PCNT: variants seen among roughly 807,000 people sequenced by gnomAD.
The protein encoded by PCNT is pericentrin.
A neutral mutation model predicts 380.4 loss-of-function variants in PCNT; 319 were observed. The observed-to-expected ratio is 0.84, with a 90% CI of 0.77 to 0.92. The LOEUF (loss-of-function observed/expected upper bound fraction) is 0.92. PCNT is among the 40% of genes least tolerant of loss of function. The pLI is 0.00. For synonymous variants in PCNT, 1,845 were observed against 1,735.2 expected, an observed-to-expected ratio of 1.06 and a Z score of -1.57; for missense variants, 4,400 against 4,255.3, an observed-to-expected ratio of 1.03 and a Z score of -0.95.
At position 46,378,803 on chromosome 21, in the gene PCNT, A is replaced by G. The variant is rs530904230; in HGVS notation, c.3166-2891A>G. The stretch of plus-strand genomic sequence containing the variant: ...CAACTTAATTTTAAAAGTTTACAAA[A>G]CCATTTGCTAATGTAGCATCATTCC... On this transcript the variant is annotated intron_variant, in intron 15 of 46. Coordinates refer to ENST00000359568, the MANE Select transcript of PCNT (RefSeq NM_006031.6). Among the ~76,000 whole-genome samples, 9 of 152,268 alleles carry G rather than the reference A, an allele frequency of 5.9e-5. No individual in the cohort carries two copies. The East Asian group carries it at 1.5e-3, about 26-fold the overall frequency.
intron 24 of PCNT, among the ~76,000 whole-genome samples, chr21:46,399,277 C>CTG (rs372812564): frequency 6.1e-4 from 77 of 126,618 alleles, no homozygotes; most frequent in South Asian, 1.7e-3. Flanking sequence ...GGGTCTGGGT[C>CTG]TCTGTTCAGC....
chr21:46,386,610 TC>T (rs2085847477), intron 17 of PCNT, among the ~76,000 whole-genome samples: 1 of 152,234 alleles, frequency 6.6e-6, no homozygotes, highest in Admixed American at 6.5e-5. Context: ...CCAGGCCACA[TC>T]CTGCCTTGGT....
rs755618237 is a variant in PCNT at position 46,349,805 on chromosome 21, A to G, written c.1329A>G (p.Lys443=). 2 of 1,614,210 alleles carry G rather than the reference A, an allele frequency of 1.2e-6. No individual in the cohort carries two copies. Among genetic ancestry groups the G allele is most frequent in the South Asian group, 1.1e-5 (1 of 91,084 alleles). Reference sequence around the variant, plus strand: ...AGTTCAAGTTCAAAGAGAGCGAGAAAGAAAAACAGCTGGAGGTGGGCAGCA... The same window carrying G: ...AGTTCAAGTTCAAAGAGAGCGAGAAGGAAAAACAGCTGGAGGTGGGCAGCA... The part of the protein sequence containing the change: ...DLEFKFKESE[K]EKQLELENLQ... The change falls in exon 8 of 47, where the codon AAA becomes AAG. Residue 443 remains lysine (K), a synonymous_variant. Coordinates refer to ENST00000359568, the MANE Select transcript of PCNT (RefSeq NM_006031.6).
In PCNT at chr21:46,353,995, G is replaced by A. The variant is rs367720344; in HGVS notation, c.1688G>A (p.Cys563Tyr). The change falls in exon 11 of 47, where the codon TGT becomes TAT. Residue 563 changes from cysteine to tyrosine, a missense_variant. Coordinates refer to ENST00000359568, the MANE Select transcript of PCNT (RefSeq NM_006031.6). ...LLDSVEVGLSCVGLEEKPEKG... is the reference protein window; with the variant it reads ...LLDSVEVGLSYVGLEEKPEKG... The stretch of plus-strand genomic sequence containing the variant: ...AAATGTTTTCCCTTCAGGTTGTCCT[G>A]TGTGGGTTTAGAAGAGAAACCTGAG... 1.1e-5 allele frequency: 18 copies of A among 1,613,630 alleles called. No homozygotes were observed. The highest frequency in any genetic ancestry group is 1.4e-5 in the Non-Finnish European group (16 of 1,179,636).
In PCNT at chr21:46,432,123, G is replaced by C; in HGVS notation, c.8659G>C (p.Gly2887Arg). 1 of 1,614,114 alleles carries C rather than the reference G, an allele frequency of 6.2e-7. No homozygotes were observed. Among genetic ancestry groups the C allele is most frequent in the Non-Finnish European group, 8.5e-7 (1 of 1,180,046 alleles). ...QSHPRLKEQEGRKAARRSAEA... is the reference protein window; with the variant it reads ...QSHPRLKEQERRKAARRSAEA... The stretch of plus-strand genomic sequence containing the variant: ...ACACCCACGGTTGAAAGAGCAAGAA[G>C]GACGCAAGGCTGCGAGGAGGAGCGC... Residue 2887 changes from glycine (G) to arginine (R), a missense_variant, in exon 38 of 47, where the codon GGA becomes CGA. Physicochemically the swap from Gly to Arg is moderately radical, Grantham distance 125. Transcript: ENST00000359568.
intron 39 of PCNT, among the ~76,000 whole-genome samples, chr21:46,436,699 T>G (rs879460676): frequency 6.6e-6 from 1 of 152,130 alleles, no homozygotes; most frequent in African/African-American, 2.4e-5. Context: ...TTTTAAATCA[T>G]TCATTCCAGA....
At position 46,346,081 on chromosome 21, in the gene PCNT, C is replaced by T. The variant is rs1483283112; in HGVS notation, c.640-47C>T. On this transcript the variant is annotated intron_variant, in intron 3 of 46. Transcript: ENST00000359568. ...TCAGTTCTTGAGCACATCACTGTGG[C>T]TTCTCATGTGAATTCTGGACCTACA... The T allele has an allele frequency of 3.2e-6, 5 of 1,557,342 alleles. No individual in the cohort carries two copies. The South Asian group carries it at 5.6e-5, about 17-fold the overall frequency.
intron 42 of PCNT, 58 bp downstream of exon 42, chr21:46,440,260 A>G: frequency 6.3e-7 from 1 of 1,596,498 alleles, no homozygotes; most frequent in Non-Finnish European, 8.5e-7. Context: ...TGGGTTTGCA[A>G]ATTGCAGGCA....
intron 1 of PCNT, chr21:46,324,735 G>C (rs944579453): frequency 1.6e-5 from 5 of 308,650 alleles, no homozygotes; most frequent in Non-Finnish European, 2.4e-5. Context: ...GGGTGGCCTG[G>C]GGCGGGCGGC....
intron 27 of PCNT, 126 bp from the exon 28 acceptor site, chr21:46,411,063 C>T: frequency 9.7e-7 from 1 of 1,026,874 alleles, no homozygotes; most frequent in Middle Eastern, 2.8e-4. Flanking sequence ...GCTTCTATGG[C>T]TGCTTTGTTT....
rs1222645358 is a variant in PCNT, at chr21:46,360,514, C to T, written c.2155-2966C>T. ...CTGGGATTACAGGTGTGAGCCACTG[C>T]GCCGGCTTTTTTTTTTTTTTCTGAG... On this transcript the variant is annotated intron_variant, in intron 13 of 46. Coordinates refer to ENST00000359568, the MANE Select transcript of PCNT (RefSeq NM_006031.6). Among the ~76,000 whole-genome samples, 12 of 90,500 alleles carry T rather than the reference C, an allele frequency of 1.3e-4. 1 individual carries two copies. The South Asian group carries it at 3.9e-3, about 30-fold the overall frequency. The allele number at this position is 90,500 out of a possible 152,430, so 59.4% of individuals were successfully genotyped here.
At chr21:46,439,501 C>T (rs914487700) in intron 41 of PCNT, among the ~76,000 whole-genome samples, 4 of 152,198 alleles carry the variant, frequency 2.6e-5, no homozygotes, top group Admixed American at 1.3e-4. Context: ...CACGTCCTCC[C>T]GTACACTCTT....
chr21:46,440,030 T>C (rs1249307453), intron 41 of PCNT, 53 bp from the exon 42 acceptor site: 1 of 1,612,292 alleles, frequency 6.2e-7, no homozygotes, highest in Non-Finnish European at 8.5e-7. Context: ...GTCTCTAAGA[T>C]GCTCTTGTTG....
At position 46,365,473 on chromosome 21, in the gene PCNT, TG is replaced by T. The variant is rs2084881036; in HGVS notation, c.2610-1110del. 2.7e-5 allele frequency among the ~76,000 whole-genome samples: 4 copies of T among 147,956 alleles called. No homozygotes were observed. In the South Asian group the frequency reaches 6.5e-4, roughly 24 times the overall value. Reference sequence around the variant, plus strand: ...TTCACTGCCGTGGGGTTCTGTTCACTGCCGTGGGGTTCTGATCACTGCCGTG... The same window carrying T: ...TTCACTGCCGTGGGGTTCTGTTCACTCCGTGGGGTTCTGATCACTGCCGTG... On this transcript the variant is annotated intron_variant, in intron 14 of 46. Coordinates refer to ENST00000359568, the MANE Select transcript of PCNT (RefSeq NM_006031.6).
intron 21 of PCNT, 50 bp from the exon 22 acceptor site, chr21:46,397,215 G>A (rs1025002378): frequency 2.7e-5 from 38 of 1,415,634 alleles, no homozygotes; most frequent in Non-Finnish European, 3.7e-5. Flanking sequence ...TCATGCACCA[G>A]CCTCTGAGGT....
At chr21:46,444,067 A>G in intron 45 of PCNT, 119 bp downstream of exon 45, 2 of 1,118,370 alleles carry the variant, frequency 1.8e-6, no homozygotes, top group Non-Finnish European at 1.3e-6. Flanking sequence ...AAGGCAGGAA[A>G]CTCTCCAGCG....
chr21:46,437,221 GGTGA>G, intron 40 of PCNT, 140 bp downstream of exon 40: 2 of 658,958 alleles, frequency 3.0e-6, no homozygotes, highest in Non-Finnish European at 5.4e-6. Flanking sequence ...TTGCTATCTG[GGTGA>G]GTGGGTGGGG....
In PCNT at chr21:46,432,004, TG is replaced by T. The variant is rs758199462; in HGVS notation, c.8542del (p.Glu2848LysfsTer10). ...GTAAGTGCCACACTGAAGTCGACGG[TG>T]GAAGCCCTGCACACCCAAAAACGAG... ...KEVSATLKSTVEALHTQKREL... is the reference protein window; with the variant it reads ...KEVSATLKSTXEALHTQKREL... On this transcript the variant is annotated frameshift_variant, in exon 38 of 47. Transcript: ENST00000359568. LOFTEE classifies it high-confidence loss of function. 7 of 1,613,722 alleles carry T rather than the reference TG, an allele frequency of 4.3e-6. No individual in the cohort carries two copies. Among genetic ancestry groups the T allele is most frequent in the Middle Eastern group, 1.6e-4 (1 of 6,084 alleles).
chr21:46,432,068 A>G lies in PCNT; in HGVS notation c.8604A>G (p.Pro2868=), dbSNP rs757066585. ...CTCTGGAGAGAGAGAGGGAGAAACC[A>G]GCGTGGTTGCAGGCAGAATTAGAGC... ...RCSLEREREK[P]AWLQAELEQS... is the part of the protein sequence containing the mutation. Residue 2868 remains proline, a synonymous_variant, in exon 38 of 47, where the codon CCA becomes CCG. Transcript: ENST00000359568. The G allele has an allele frequency of 1.2e-6, 2 of 1,614,074 alleles. No homozygotes were observed. Among genetic ancestry groups the G allele is most frequent in the Admixed American group, 3.3e-5 (2 of 60,024 alleles).
Sources: allele counts gnomAD v4.1 joint callset (sites outside exome capture counted in the v4.1 genomes callset), GRCh38; gene constraint gnomAD v4.1.1; transcripts MANE v1.5; gene names NCBI Gene and HGNC (gene_info 2026-07-23, HGNC 2026-07-21).